ST8SIA5: variants seen among roughly 807,000 people sequenced by gnomAD.
The protein encoded by ST8SIA5 is alpha-2,8-sialyltransferase 8E.
ST8SIA5 carries 24 observed loss-of-function variants against 40.2 expected under a neutral mutation model. The observed-to-expected ratio is 0.60, with a 90% CI of 0.43 to 0.84. ST8SIA5 has a LOEUF of 0.84. Among genes scored for constraint, ST8SIA5 ranks in the 40% least tolerant of loss-of-function variants. The pLI, the probability that ST8SIA5 is intolerant of heterozygous loss-of-function variation, is 0.00. For missense variants in ST8SIA5, 465 were observed against 498.5 expected, an observed-to-expected ratio of 0.93 and a Z score of 0.64; for synonymous variants, 198 against 201.8, an observed-to-expected ratio of 0.98 and a Z score of 0.16.
At chr18:46,715,153 T>C (rs575678017) in intron 1 of ST8SIA5, among the ~76,000 whole-genome samples, 3 of 152,342 alleles carry the variant, frequency 2.0e-5, no homozygotes, top group Non-Finnish European at 2.9e-5. Flanking sequence ...TCCTTCCCAG[T>C]TGGGTGAAGC....
chr18:46,720,055 T>C (rs1334170598), intron 1 of ST8SIA5, among the ~76,000 whole-genome samples: 2 of 151,986 alleles, frequency 1.3e-5, no homozygotes, highest in African/African-American at 4.8e-5. Context: ...GCCGGGCTGG[T>C]CTCAAACTCC....
Position 46,730,250 on chromosome 18 carries a change from C to T in ST8SIA5, c.132-25586G>A, listed in dbSNP as rs551965143. 92 of 985,310 alleles carry T rather than the reference C, an allele frequency of 9.3e-5. No homozygotes were observed. The African/African-American group carries it at 1.3e-3, about 14-fold the overall frequency. The allele number at this position is 985,310 out of a possible 1,614,324, so 61.0% of individuals were successfully genotyped here. ...CTAGAGATTCTTGGATAGGGGGGCT[C>T]GCATTCCACCATTCACTAGCAGTGT... On this transcript the variant is annotated intron_variant, in intron 1 of 6. Coordinates refer to ENST00000315087, the MANE Select transcript of ST8SIA5 (RefSeq NM_013305.6).
intron 1 of ST8SIA5, among the ~76,000 whole-genome samples, chr18:46,748,071 G>A (rs1442959273): frequency 6.6e-6 from 1 of 152,026 alleles, no homozygotes; most frequent in Non-Finnish European, 1.5e-5. Context: ...GGGCCTGTCA[G>A]GGGGTGGAGG....
intron 2 of ST8SIA5, among the ~76,000 whole-genome samples, chr18:46,702,103 C>T (rs1044612701): frequency 6.8e-6 from 1 of 147,160 alleles, no homozygotes; most frequent in African/African-American, 2.5e-5. Context: ...GGCGAGATGG[C>T]ACCACTGCAC....
intron 1 of ST8SIA5, among the ~76,000 whole-genome samples, chr18:46,708,431 C>G (rs1390989230): frequency 6.6e-6 from 1 of 152,208 alleles, no homozygotes; most frequent in Non-Finnish European, 1.5e-5. Context: ...GATGCTTTGA[C>G]ACCTGGGGCC....
In ST8SIA5 at chr18:46,726,002, TATATATATCCTGG is replaced by T. The variant is rs1173067355; in HGVS notation, c.132-21351_132-21339del. 3.1e-3 allele frequency among the ~76,000 whole-genome samples: 216 copies of T among 69,672 alleles called. 4 individuals carry two copies. Among genetic ancestry groups the T allele is most frequent in the East Asian group, 5.7e-3 (6 of 1,060 alleles). 45.7% of individuals were successfully genotyped at this position (69,672 alleles called of 152,430 possible). On this transcript the variant is annotated intron_variant, in intron 1 of 6. Transcript: ENST00000315087. Reference sequence around the variant, plus strand: ...ATATATATATATATATATATATATATATATATATCCTGGATATATATATATATCCTGGATATAT... The same window carrying T: ...ATATATATATATATATATATATATATATATATATATATATCCTGGATATAT...
chr18:46,712,264 A>G (rs1035839202), intron 1 of ST8SIA5, among the ~76,000 whole-genome samples: 4 of 152,124 alleles, frequency 2.6e-5, no homozygotes, highest in African/African-American at 9.7e-5. Context: ...CAGTGCCCCT[A>G]CTGCTTCTCA....
At chr18:46,688,675 CGTGA>C (rs970519210) in intron 4 of ST8SIA5, 96 bp downstream of exon 4, 3 of 1,450,756 alleles carry the variant, frequency 2.1e-6, no homozygotes, top group Non-Finnish European at 2.8e-6. Flanking sequence ...TCCAGAGGAC[CGTGA>C]GTGAGTCAGG....
At chr18:46,736,107 T>C (rs2040031382) in intron 1 of ST8SIA5, among the ~76,000 whole-genome samples, 1 of 152,216 alleles carries the variant, frequency 6.6e-6, no homozygotes, top group African/African-American at 2.4e-5. Context: ...TCAAATATTA[T>C]CATTTCAACA....
At position 46,703,857 on chromosome 18, in the gene ST8SIA5, AC is replaced by A. The variant is rs539080673; in HGVS notation, c.224+714del. Reference sequence around the variant, plus strand: ...CATGGCAGTTCTGTGAAGGGCGGAAACCCAGGTGGGCACATGCATGCTAAAA... The same window carrying A: ...CATGGCAGTTCTGTGAAGGGCGGAAACCAGGTGGGCACATGCATGCTAAAA... On this transcript the variant is annotated intron_variant, in intron 2 of 6. Coordinates refer to ENST00000315087, the MANE Select transcript of ST8SIA5 (RefSeq NM_013305.6). Among the ~76,000 whole-genome samples, 127 of 152,254 alleles carry A rather than the reference AC, an allele frequency of 8.3e-4. 1 individual carries two copies. The highest frequency in any genetic ancestry group is 3.0e-3 in the African/African-American group (124 of 41,546).
chr18:46,717,457 G>A (rs980472180), intron 1 of ST8SIA5, among the ~76,000 whole-genome samples: 11 of 151,938 alleles, frequency 7.2e-5, no homozygotes, highest in East Asian at 1.9e-4. Flanking sequence ...TGTCTCAGCC[G>A]CCCGAGTAGC....
At chr18:46,756,036 G>A (rs529138660) in intron 1 of ST8SIA5, among the ~76,000 whole-genome samples, 47 of 152,328 alleles carry the variant, frequency 3.1e-4, no homozygotes, top group Non-Finnish European at 5.6e-4. Flanking sequence ...CAAACAAATG[G>A]CCATAGAACT....
chr18:46,738,742 C>T (rs2040059527), intron 1 of ST8SIA5, among the ~76,000 whole-genome samples: 1 of 152,136 alleles, frequency 6.6e-6, no homozygotes, highest in South Asian at 2.1e-4. Flanking sequence ...TGGGGCTGTG[C>T]CTGTTTCTCG....
intron 1 of ST8SIA5, chr18:46,721,354 G>T (rs1278486645): frequency 2.0e-6 from 3 of 1,535,962 alleles, no homozygotes; most frequent in Non-Finnish European, 2.6e-6. Flanking sequence ...TTTTGCCGGG[G>T]TCTGTACCTG....
chr18:46,755,535 C>G lies in ST8SIA5; in HGVS notation c.131+843G>C, dbSNP rs111279455. Among the ~76,000 whole-genome samples, 27 of 152,174 alleles carry G rather than the reference C, an allele frequency of 1.8e-4. 1 individual carries two copies. The highest frequency in any genetic ancestry group is 6.5e-4 in the African/African-American group (27 of 41,528). Reference sequence around the variant, plus strand: ...ATCTCTCAAACCAGGCGGAGGAACCCCAAGTGTTTCCTTAAGCCAGCAGAG... The same window carrying G: ...ATCTCTCAAACCAGGCGGAGGAACCGCAAGTGTTTCCTTAAGCCAGCAGAG... On this transcript the variant is annotated intron_variant, in intron 1 of 6. Transcript: ENST00000315087.
intron 2 of ST8SIA5, among the ~76,000 whole-genome samples, chr18:46,701,863 G>C (rs2039620150): frequency 6.6e-6 from 1 of 152,150 alleles, no homozygotes; most frequent in Non-Finnish European, 1.5e-5. Context: ...AAAAAAATTA[G>C]TCAGCTGGGT....
chr18:46,748,069 C>T (rs1285166646), intron 1 of ST8SIA5, among the ~76,000 whole-genome samples: 1 of 144,546 alleles, frequency 6.9e-6, no homozygotes, highest in Non-Finnish European at 1.5e-5. Context: ...CGGGGCCTGT[C>T]AGGGGGTGGA....
chr18:46,710,363 T>TTTTCTTTTCTTTC (rs1555695682), intron 1 of ST8SIA5, among the ~76,000 whole-genome samples: 6 of 114,390 alleles, frequency 5.2e-5, no homozygotes, highest in Admixed American at 4.2e-4. Flanking sequence ...TCCTTCTTTC[T>TTTTCTTTTCTTTC]TTTCTTTCTT....
At chr18:46,721,275 C>T (rs1422285873) in intron 1 of ST8SIA5, 11 of 1,223,370 alleles carry the variant, frequency 9.0e-6, no homozygotes, top group South Asian at 3.9e-5. Flanking sequence ...CTTCTTCCAC[C>T]CTAGGAAGTG....
Sources: gnomAD v4.1 joint callset for allele counts (sites outside exome capture counted in the v4.1 genomes callset) on GRCh38, gnomAD v4.1.1 for gene constraint, MANE v1.5 for transcripts, NCBI Gene and HGNC (gene_info 2026-07-23, HGNC 2026-07-21) for gene names.